The following PDE4D variants were observed in gnomAD, a reference collection of about 807,000 sequenced individuals.
PDE4D encodes the protein 3',5'-cyclic-AMP phosphodiesterase 4D.
Under a neutral mutation model 87.4 loss-of-function variants are expected in PDE4D, and 24 were observed. The observed-to-expected ratio is 0.27, with a 90% CI of 0.20 to 0.39. The LOEUF is 0.39. Among genes scored for constraint, PDE4D ranks in the 10% least tolerant of loss-of-function variants. PDE4D has a pLI of 1.00. For synonymous variants in PDE4D, 384 were observed against 383.2 expected (o/e 1.00, Z -0.02); for missense variants, 714 against 1,041.0 (o/e 0.69, Z 4.32).
rs533895610 is a variant in PDE4D at position 59,813,250 on chromosome 5, T to C, written c.455+79918A>G. 3.9e-5 allele frequency among the ~76,000 whole-genome samples: 6 copies of C among 152,338 alleles called. No homozygotes were observed. The South Asian group carries it at 1.2e-3, about 32-fold the overall frequency. On this transcript the variant is annotated intron_variant, in intron 1 of 14. Transcript: ENST00000340635. Reference sequence around the variant, plus strand: ...TCAAGTTTACATTGGCTCAAGCCTCTCCTACATGAATGCCACCAATAATTG... The same window carrying C: ...TCAAGTTTACATTGGCTCAAGCCTCCCCTACATGAATGCCACCAATAATTG...
chr5:59,667,033 G>A (rs763063083), intron 1 of PDE4D, among the ~76,000 whole-genome samples: 12 of 152,196 alleles, frequency 7.9e-5, no homozygotes, highest in Non-Finnish European at 1.5e-4. Flanking sequence ...TCAAGTGACA[G>A]CTTAGGAAAT....
intron 1 of PDE4D, among the ~76,000 whole-genome samples, chr5:59,385,855 T>C (rs1352209800): frequency 6.6e-6 from 1 of 152,120 alleles, no homozygotes; most frequent in Non-Finnish European, 1.5e-5. Flanking sequence ...CCAATCTCTA[T>C]CTATCTCGGA....
At chr5:59,553,511 G>A (rs1818441177) in intron 1 of PDE4D, among the ~76,000 whole-genome samples, 1 of 152,128 alleles carries the variant, frequency 6.6e-6, no homozygotes, top group Non-Finnish European at 1.5e-5. Flanking sequence ...AATTTAATAG[G>A]TGTTCCATGA....
intron 3 of PDE4D, among the ~76,000 whole-genome samples, chr5:59,975,503 C>A (rs1433479782): frequency 6.6e-6 from 1 of 152,218 alleles, no homozygotes; most frequent in Admixed American, 6.5e-5. Flanking sequence ...TATATTCACT[C>A]ATTTCCATAA....
chr5:60,208,901 C>T (rs1742852506), intron 1 of PDE4D, among the ~76,000 whole-genome samples: 1 of 152,084 alleles, frequency 6.6e-6, no homozygotes, highest in Non-Finnish European at 1.5e-5. Context: ...GAGGTGCCGG[C>T]AAGACAGATG....
intron 1 of PDE4D, among the ~76,000 whole-genome samples, chr5:59,754,475 C>T (rs1242810592): frequency 6.6e-6 from 1 of 152,104 alleles, no homozygotes; most frequent in Non-Finnish European, 1.5e-5. Context: ...TATACAGGAT[C>T]CTACTCTCAG....
chr5:59,905,173 A>G (rs1278658953), intron 3 of PDE4D, among the ~76,000 whole-genome samples: 1 of 152,178 alleles, frequency 6.6e-6, no homozygotes, highest in Non-Finnish European at 1.5e-5. Context: ...ACCAAGGCTG[A>G]GTAGTTTTCC....
chr5:59,273,361 A>G (rs1394559870), intron 1 of PDE4D, among the ~76,000 whole-genome samples: 1 of 152,240 alleles, frequency 6.6e-6, no homozygotes, highest in South Asian at 2.1e-4. Flanking sequence ...ACATATATAT[A>G]CACACAAACA....
At chr5:60,047,584 T>C (rs1769454483) in intron 2 of PDE4D, among the ~76,000 whole-genome samples, 1 of 152,142 alleles carries the variant, frequency 6.6e-6, no homozygotes. Context: ...TTCTCATTGG[T>C]TTCAAAGAAC....
chr5:59,651,761 A>G (rs1038984854), intron 1 of PDE4D, among the ~76,000 whole-genome samples: 2 of 152,192 alleles, frequency 1.3e-5, no homozygotes, highest in African/African-American at 2.4e-5. Flanking sequence ...AGAAAAAAAG[A>G]TAGAATAAAA....
At chr5:60,433,379 T>C (rs1439972378) in intron 1 of PDE4D, among the ~76,000 whole-genome samples, 8 of 152,192 alleles carry the variant, frequency 5.3e-5, no homozygotes, top group African/African-American at 1.9e-4. Flanking sequence ...AGATATCATC[T>C]CACACCAGTC....
chr5:59,196,244 T>A (rs1384512435), intron 2 of PDE4D, among the ~76,000 whole-genome samples: 1 of 152,166 alleles, frequency 6.6e-6, no homozygotes, highest in Non-Finnish European at 1.5e-5. Context: ...AAATTGTAGC[T>A]CAAATTGATT....
At chr5:59,275,621 A>G (rs1764655992) in intron 1 of PDE4D, 2 of 1,286,488 alleles carry the variant, frequency 1.6e-6, no homozygotes, top group Non-Finnish European at 2.0e-6. Flanking sequence ...AATTTACTCC[A>G]GTACTAGGCT....
chr5:59,280,613 T>C (rs1765631871), intron 1 of PDE4D, among the ~76,000 whole-genome samples: 1 of 152,156 alleles, frequency 6.6e-6, no homozygotes, highest in Non-Finnish European at 1.5e-5. Flanking sequence ...TTGAATTAAA[T>C]ATTTAAATTT....
At chr5:60,187,132 A>C (rs1784844854) in intron 1 of PDE4D, among the ~76,000 whole-genome samples, 1 of 152,216 alleles carries the variant, frequency 6.6e-6, no homozygotes, top group Non-Finnish European at 1.5e-5. Context: ...GCTTGCCTGA[A>C]GATTAAAGAA....
At chr5:59,674,982 C>A (rs183137128) in intron 1 of PDE4D, among the ~76,000 whole-genome samples, 11 of 152,160 alleles carry the variant, frequency 7.2e-5, no homozygotes, top group Non-Finnish European at 1.6e-4. Context: ...GGCATACATG[C>A]GTCATTATGA....
At chr5:59,541,685 G>T (rs1816378434) in intron 1 of PDE4D, among the ~76,000 whole-genome samples, 1 of 152,140 alleles carries the variant, frequency 6.6e-6, no homozygotes, top group Non-Finnish European at 1.5e-5. Context: ...ATTATCAATG[G>T]GATTGATACT....
chr5:59,148,651 T>A (rs1030188930), intron 5 of PDE4D, among the ~76,000 whole-genome samples: 1 of 152,092 alleles, frequency 6.6e-6, no homozygotes, highest in Non-Finnish European at 1.5e-5. Context: ...CTGGAATAAA[T>A]CCATTACCAA....
chr5:60,480,912 T>G (rs1210551982), intron 1 of PDE4D, among the ~76,000 whole-genome samples: 1 of 152,138 alleles, frequency 6.6e-6, no homozygotes, highest in African/African-American at 2.4e-5. Flanking sequence ...ATTTTACTCT[T>G]TTGGTGTTGT....
Sources: allele counts gnomAD v4.1 joint callset (sites outside exome capture counted in the v4.1 genomes callset), GRCh38; gene constraint gnomAD v4.1.1; transcripts MANE v1.5; gene names NCBI Gene and HGNC (gene_info 2026-07-23, HGNC 2026-07-21).